Variants in C11orf65 observed in about 807,000 individuals in gnomAD.
C11orf65 encodes the protein chromosome 11 open reading frame 65.
Under a neutral mutation model 35.3 loss-of-function variants are expected in C11orf65, and 38 were observed. That is an observed-to-expected ratio of 1.08 (90% confidence interval 0.83 to 1.41). The LOEUF is 1.41. C11orf65 is among the 40% of genes most tolerant of loss of function. C11orf65 has a pLI of 0.00. For synonymous variants in C11orf65, 105 were observed against 114.4 expected (o/e 0.92, Z 0.53); for missense variants, 370 against 367.1 (o/e 1.01, Z -0.06).
intron 3 of C11orf65, 131 bp downstream of exon 3, chr11:108,431,615 T>C: frequency 2.3e-6 from 1 of 443,048 alleles, no homozygotes. Flanking sequence ...TTATGAACTT[T>C]CAACATATGT....
chr11:108,425,078 A>G (rs2092880834), intron 3 of C11orf65, among the ~76,000 whole-genome samples: 1 of 152,198 alleles, frequency 6.6e-6, no homozygotes, highest in African/African-American at 2.4e-5. Flanking sequence ...TGACACCCTA[A>G]TATCACAATT....
intron 3 of C11orf65, among the ~76,000 whole-genome samples, chr11:108,429,576 A>G (rs2092956305): frequency 6.6e-6 from 1 of 152,234 alleles, no homozygotes; most frequent in African/African-American, 2.4e-5. Flanking sequence ...TGTGGAAAAC[A>G]GTATGGTTGT....
intron 3 of C11orf65, among the ~76,000 whole-genome samples, chr11:108,419,633 T>C (rs2092786986): frequency 6.6e-6 from 1 of 152,136 alleles, no homozygotes. Flanking sequence ...GCCCAGGAGG[T>C]TGAGGCTGCA....
intron 6 of C11orf65, among the ~76,000 whole-genome samples, chr11:108,403,353 C>T (rs1283077428): frequency 2.1e-5 from 3 of 145,122 alleles, no homozygotes; most frequent in African/African-American, 5.1e-5. Context: ...TGTATCTTCA[C>T]TGATGGAGTG....
chr11:108,453,196 C>T (rs2093373180), intron 2 of C11orf65, among the ~76,000 whole-genome samples: 1 of 138,244 alleles, frequency 7.2e-6, no homozygotes, highest in Admixed American at 7.1e-5. Flanking sequence ...ATATTGCCAC[C>T]TCCTGTCAAC....
chr11:108,405,397 G>T, intron 6 of C11orf65, 32 bp downstream of exon 6: 1 of 1,603,062 alleles, frequency 6.2e-7, no homozygotes, highest in Non-Finnish European at 8.5e-7. Context: ...AAAATACTAC[G>T]TATTTCCTTA....
rs144750933 is a variant in C11orf65 at position 108,313,239 on chromosome 11, C to A, written c.641-4168G>T. Among the ~76,000 whole-genome samples the A allele has an allele frequency of 6.0e-3, 918 of 152,178 alleles. 6 individuals carry two copies. The highest frequency in any genetic ancestry group is 0.011 in the East Asian group (55 of 5,180). On this transcript the variant is annotated intron_variant, in intron 6 of 6. Transcript: ENST00000525729. The stretch of plus-strand genomic sequence containing the variant: ...CTTTATTTTTTAATATGCTGTTCTC[C>A]CTCTGAACTATGTTCTGAACATTTT...
In C11orf65 at chr11:108,437,110, A is replaced by AGC. The variant is rs1555172799; in HGVS notation, c.82-5273_82-5272insGC. Among the ~76,000 whole-genome samples the AGC allele has an allele frequency of 2.3e-4, 23 of 101,928 alleles. 1 individual carries two copies. The highest frequency in any genetic ancestry group is 2.3e-3 in the South Asian group (6 of 2,660). The allele number at this position is 101,928 out of a possible 152,430, so 66.9% of individuals were successfully genotyped here. A position where few individuals can be genotyped will look rare whatever the true frequency, so the allele number is the denominator to read the frequency against. On this transcript the variant is annotated intron_variant, in intron 2 of 8. Transcript: ENST00000393084. Reference sequence around the variant, plus strand: ...CCATTACGACAAAAAAAAAAAAAAAAGGGGGGGGGTGGACAAAATTTTAAA... The same window carrying AGC: ...CCATTACGACAAAAAAAAAAAAAAAAGCGGGGGGGGGTGGACAAAATTTTAAA...
intron 3 of C11orf65, among the ~76,000 whole-genome samples, chr11:108,408,688 T>TAAA (rs1278587111): frequency 1.2e-5 from 1 of 81,572 alleles, no homozygotes; most frequent in African/African-American, 6.6e-5. Flanking sequence ...TAAAATAAAA[T>TAAA]AAAATAAAAT....
intron 1 of C11orf65, among the ~76,000 whole-genome samples, chr11:108,462,116 T>C (rs1591623215): frequency 6.6e-6 from 1 of 152,192 alleles, no homozygotes; most frequent in Non-Finnish European, 1.5e-5. Context: ...GGATCATAGG[T>C]CACTGCAGCC....
chr11:108,386,076 T>C (rs2091992327), intron 7 of C11orf65, 101 bp from the exon 8 acceptor site: 8 of 974,600 alleles, frequency 8.2e-6, no homozygotes, highest in South Asian at 7.2e-5. Context: ...AGATTAATGA[T>C]GGCATGTTCA....
At chr11:108,437,110 A>AGGGG (rs1555172798) in intron 2 of C11orf65, among the ~76,000 whole-genome samples, 10 of 101,922 alleles carry the variant, frequency 9.8e-5, no homozygotes, top group African/African-American at 1.5e-4. Context: ...AAAAAAAAAA[A>AGGGG]GGGGGGGGGT....
rs758038580 is a variant in C11orf65, at chr11:108,316,078, A to G, written c.641-7007T>C. On this transcript the variant is annotated intron_variant, in intron 6 of 6. Coordinates refer to the C11orf65 transcript ENST00000525729. ...AGTAACATATGACCTCGAAACAGCA[A>G]TCCCCTCATCAACACGCCAGGCAGG... The G allele has an allele frequency of 7.4e-6, 12 of 1,614,166 alleles. No individual in the cohort carries two copies. In the South Asian group the frequency reaches 1.2e-4, roughly 16 times the overall value.
rs2089517173 is a variant in C11orf65 at position 108,353,859 on chromosome 11, G to C, written c.227-18567C>G. The C allele has an allele frequency of 6.2e-7, 1 of 1,613,440 alleles. No individual in the cohort carries two copies. The highest frequency in any genetic ancestry group is 2.2e-5 in the East Asian group (1 of 44,864). ...ATTGTGGATGGCATGGGCATTACGG[G>C]TGTTGAAGGTGTCTTCAGAAGGTAA... On this transcript the variant is annotated intron_variant, in intron 2 of 3. Transcript: ENST00000524755.
At chr11:108,410,814 T>G (rs1050514132) in intron 3 of C11orf65, among the ~76,000 whole-genome samples, 4 of 151,608 alleles carry the variant, frequency 2.6e-5, no homozygotes, top group Non-Finnish European at 4.4e-5. Context: ...GTTCAAGTGA[T>G]TCTCCTGCCT....
chr11:108,338,082 C>T (rs979994591), intron 2 of C11orf65, among the ~76,000 whole-genome samples: 3 of 152,262 alleles, frequency 2.0e-5, no homozygotes, highest in Non-Finnish European at 4.4e-5. Context: ...GGCATGGTGG[C>T]CCACGCCTGT....
At chr11:108,327,615 A>G (rs1182109394), downstream of C11orf65, 2 of 1,553,704 alleles carry the variant, frequency 1.3e-6, no homozygotes, top group Admixed American at 3.3e-5. Context: ...GTAATGCATT[A>G]TATTTTAAGA....
intron 3 of C11orf65, among the ~76,000 whole-genome samples, chr11:108,422,317 T>C (rs1187921894): frequency 6.6e-6 from 1 of 152,218 alleles, no homozygotes; most frequent in Non-Finnish European, 1.5e-5. Context: ...AATTCAAACA[T>C]TTATGTGGAA....
Position 108,460,274 on chromosome 11 carries a change from CAG to C in C11orf65, c.81+1203_81+1204del. Among the ~76,000 whole-genome samples, 2 of 152,240 alleles carry C rather than the reference CAG, an allele frequency of 1.3e-5. 1 individual carries two copies. Among genetic ancestry groups the C allele is most frequent in the Middle Eastern group, 6.8e-3 (2 of 294 alleles). Reference sequence around the variant, plus strand: ...CCTTTGTATCAGTGTGTGCTAGAAACAGAGCCATATTACTTCACTTAAAATTA... The same window carrying C: ...CCTTTGTATCAGTGTGTGCTAGAAACAGCCATATTACTTCACTTAAAATTA... On this transcript the variant is annotated intron_variant, in intron 2 of 8. Coordinates refer to ENST00000393084, the MANE Select transcript of C11orf65 (RefSeq NM_152587.5).
Sources: allele counts gnomAD v4.1 joint callset (sites outside exome capture counted in the v4.1 genomes callset), GRCh38; gene constraint gnomAD v4.1.1; transcripts MANE v1.5; gene names NCBI Gene and HGNC (gene_info 2026-07-23, HGNC 2026-07-21).